GJA3: variants seen among roughly 807,000 people sequenced by gnomAD.
The protein encoded by GJA3 is gap junction protein alpha 3.
For missense variants in GJA3, 571 were observed against 620.3 expected (o/e 0.92, Z 0.84); for synonymous variants, 297 against 292.6 (o/e 1.02, Z -0.15).
intron 1 of GJA3, among the ~76,000 whole-genome samples, chr13:20,150,071 C>T (rs938832494): frequency 2.8e-4 from 42 of 152,252 alleles, no homozygotes; most frequent in African/African-American, 8.7e-4. Context: ...CAGAACGCAG[C>T]GTCTGACTAG....
rs1958804349 is a variant in GJA3 at position 20,141,121 on chromosome 13, A to C, written c.*860T>G. On this transcript the variant is annotated 3_prime_UTR_variant, in exon 2 of 2. Coordinates refer to ENST00000241125, the MANE Select transcript of GJA3 (RefSeq NM_021954.4). ...TCAGCAATCATTCTAACAGTATTTA[A>C]AGAAAGAAAAACACTATTTTTCTTT... 1 of 152,268 alleles carries C rather than the reference A, an allele frequency of 6.6e-6. No homozygotes were observed. Among genetic ancestry groups the C allele is most frequent in the Non-Finnish European group, 1.5e-5 (1 of 68,048 alleles). The allele number at this position is 152,268 out of a possible 1,614,324, so 9.4% of individuals were successfully genotyped here.
chr13:20,154,975 CA>C (rs1958899471), intron 1 of GJA3, among the ~76,000 whole-genome samples: 1 of 152,110 alleles, frequency 6.6e-6, no homozygotes, highest in Non-Finnish European at 1.5e-5. Flanking sequence ...CTCAGCTTCC[CA>C]ACTAGCTGAG....
At chr13:20,153,065 T>C (rs542660047) in intron 1 of GJA3, among the ~76,000 whole-genome samples, 1 of 152,330 alleles carries the variant, frequency 6.6e-6, no homozygotes, top group East Asian at 1.9e-4. Context: ...TCCTTGCCTA[T>C]TTCAAGCTTT....
intron 1 of GJA3, among the ~76,000 whole-genome samples, chr13:20,154,389 T>C (rs113875952): frequency 7.2e-5 from 11 of 152,336 alleles, no homozygotes; most frequent in African/African-American, 2.4e-4. Context: ...TATTAGTACT[T>C]AGGAACATTC....
chr13:20,147,883 C>T lies in GJA3; in HGVS notation c.-17-4578G>A, dbSNP rs185020037. ...CAGAGGATAATGACTGTGGGATCAC[C>T]GAGAGTTTAGAGTGGATTCCATCTT... On this transcript the variant is annotated intron_variant, in intron 1 of 1. Transcript: ENST00000241125. 2.6e-4 allele frequency among the ~76,000 whole-genome samples: 40 copies of T among 152,126 alleles called. 1 individual carries two copies. The highest frequency in any genetic ancestry group is 6.8e-3 in the Middle Eastern group (2 of 294).
chr13:20,143,305 C>T lies in GJA3; in HGVS notation c.-17G>A. 6.6e-7 allele frequency: 1 copy of T among 1,510,394 alleles called. No individual in the cohort carries two copies. Among genetic ancestry groups the T allele is most frequent in the Non-Finnish European group, 8.8e-7 (1 of 1,135,294 alleles). The allele number at this position is 1,510,394 out of a possible 1,614,324, so 93.6% of individuals were successfully genotyped here. ...GTCGCCCATTGCTTCAGATTCCTAA[C>T]CTGTAAGAGGAAAATGCTCATGAAC... On this transcript the variant is annotated splice_region_variant and 5_prime_UTR_variant, in exon 2 of 2. Coordinates refer to ENST00000241125, the MANE Select transcript of GJA3 (RefSeq NM_021954.4).
In GJA3 at chr13:20,142,499, C is replaced by T. The variant is rs765833599; in HGVS notation, c.790G>A (p.Val264Ile). 8 of 1,550,634 alleles carry T rather than the reference C, an allele frequency of 5.2e-6. No homozygotes were observed. The Admixed American group carries it at 7.8e-5, about 15-fold the overall frequency. ...TAGTAGGGTGGGAACCCGATGGCAACGGCGGGCGGCCGGGAGCTGGGGGGC... is the reference window on the plus strand; with the variant it reads ...TAGTAGGGTGGGAACCCGATGGCAATGGCGGGCGGCCGGGAGCTGGGGGGC... ...PLPPSSRPPA[V>I]AIGFPPYYAH... Residue 264 changes from valine to isoleucine, a missense_variant, in exon 2 of 2, where the codon GTT (valine) becomes ATT (isoleucine). By Grantham distance (29) the Val-to-Ile change is conservative. Transcript: ENST00000241125.
rs944973005 is a variant in GJA3 at position 20,139,881 on chromosome 13, T to C, written c.*2100A>G. 1 of 152,220 alleles carries C rather than the reference T, an allele frequency of 6.6e-6. No homozygotes were observed. Among genetic ancestry groups the C allele is most frequent in the Non-Finnish European group, 1.5e-5 (1 of 68,038 alleles). The allele number at this position is 152,220 out of a possible 1,614,324, so 9.4% of individuals were successfully genotyped here. A position where few individuals can be genotyped will look rare whatever the true frequency, so the allele number is the denominator to read the frequency against. On this transcript the variant is annotated 3_prime_UTR_variant, in exon 2 of 2. Coordinates refer to ENST00000241125, the MANE Select transcript of GJA3 (RefSeq NM_021954.4). ...TTACTGTTATGAACATTTATTATGG[T>C]AGAACTTAAAGAACCAAGTATTGAC...
chr13:20,142,748 A>G lies in GJA3; in HGVS notation c.541T>C (p.Cys181Arg). Residue 181 changes from cysteine to arginine, a missense_variant, in exon 2 of 2, where the codon TGC (cysteine) becomes CGC (arginine). Cys to Arg is a radical substitution (Grantham distance 180). Coordinates refer to ENST00000241125, the MANE Select transcript of GJA3 (RefSeq NM_021954.4). The part of the protein sequence containing the change: ...YGFELKPLYR[C>R]DRWPCPNTVD... ...GTGTTGGGGCAGGGCCAGCGGTCGC[A>G]GCGGTAGAGCGGCTTCAGCTCGAAG... 6.2e-7 allele frequency: 1 copy of G among 1,613,684 alleles called. No individual in the cohort carries two copies. The highest frequency in any genetic ancestry group is 8.5e-7 in the Non-Finnish European group (1 of 1,179,938).
chr13:20,148,353 G>C (rs576376473), intron 1 of GJA3, among the ~76,000 whole-genome samples: 9 of 145,988 alleles, frequency 6.2e-5, no homozygotes, highest in African/African-American at 2.3e-4. Flanking sequence ...CAAATTCCCA[G>C]AGCTCCGGTG....
chr13:20,151,491 A>G (rs1958877194), intron 1 of GJA3, among the ~76,000 whole-genome samples: 1 of 152,184 alleles, frequency 6.6e-6, no homozygotes, highest in Admixed American at 6.5e-5. Flanking sequence ...GGGAAGTCAC[A>G]CAACACGAGA....
Position 20,142,369 on chromosome 13 carries a change from CCG to C in GJA3, c.918_919del (p.Gly307LysfsTer18). The C allele has an allele frequency of 6.5e-7, 1 of 1,531,298 alleles. No individual in the cohort carries two copies. The highest frequency in any genetic ancestry group is 8.8e-7 in the Non-Finnish European group (1 of 1,139,624). 94.9% of individuals were successfully genotyped at this position (1,531,298 alleles called of 1,614,324 possible). A position where few individuals can be genotyped will look rare whatever the true frequency, so the allele number is the denominator to read the frequency against. On this transcript the variant is annotated frameshift_variant, in exon 2 of 2. Coordinates refer to ENST00000241125, the MANE Select transcript of GJA3 (RefSeq NM_021954.4). LOFTEE classifies it low-confidence loss of function (END_TRUNC). ...GTAGAGCTTGGCGGACTGGCCCTTT[CCG>C]CGCGCCTCGGTCAGGGCTAGCAGTT... is the stretch of plus-strand genomic sequence containing the variant.
chr13:20,141,772 G>A lies in GJA3; in HGVS notation c.*209C>T. On this transcript the variant is annotated 3_prime_UTR_variant, in exon 2 of 2. Coordinates refer to ENST00000241125, the MANE Select transcript of GJA3 (RefSeq NM_021954.4). ...CGCCACCCCCAAACTCAGAAAGTGG[G>A]AGTTATCCCCACTGTAACTCACAGT... 1 of 692,892 alleles carries A rather than the reference G, an allele frequency of 1.4e-6. No homozygotes were observed. The allele number at this position is 692,892 out of a possible 1,614,324, so 42.9% of individuals were successfully genotyped here.
chr13:20,141,815 T>G lies in GJA3; in HGVS notation c.*166A>C. ...CTCACAGTGCTAAGAACAGCAAGCA[T>G]TGAACACGGAAACCTGATCTCTCCT... On this transcript the variant is annotated 3_prime_UTR_variant, in exon 2 of 2. Coordinates refer to ENST00000241125, the MANE Select transcript of GJA3 (RefSeq NM_021954.4). 2 of 1,013,176 alleles carry G rather than the reference T, an allele frequency of 2.0e-6. No homozygotes were observed. The highest frequency in any genetic ancestry group is 2.7e-5 in the East Asian group (1 of 36,890). 62.8% of individuals were successfully genotyped at this position (1,013,176 alleles called of 1,614,324 possible). A position where few individuals can be genotyped will look rare whatever the true frequency, so the allele number is the denominator to read the frequency against.
At chr13:20,155,547 A>G (rs1173982778) in intron 1 of GJA3, among the ~76,000 whole-genome samples, 1 of 152,100 alleles carries the variant, frequency 6.6e-6, no homozygotes, top group Non-Finnish European at 1.5e-5. Flanking sequence ...TATGATTTTG[A>G]AACGCTATGG....
Position 20,141,662 on chromosome 13 carries a change from C to A in GJA3, c.*319G>T, listed in dbSNP as rs1886176. 93,194 of 380,100 alleles carry A rather than the reference C, an allele frequency of 0.25. 12,167 individuals are homozygous for A. Among genetic ancestry groups the A allele is most frequent in the Middle Eastern group, 0.31 (439 of 1,418 alleles). The allele number at this position is 380,100 out of a possible 1,614,324, so 23.5% of individuals were successfully genotyped here. On this transcript the variant is annotated 3_prime_UTR_variant, in exon 2 of 2. Transcript: ENST00000241125. Reference sequence around the variant, plus strand: ...CAGGATACCTGTTGCTTTACCACTACAGAACAGTTACCCCCAGAGACAGCC... The same window carrying A: ...CAGGATACCTGTTGCTTTACCACTAAAGAACAGTTACCCCCAGAGACAGCC...
Position 20,142,518 on chromosome 13 carries a change from G to T in GJA3, c.771C>A (p.Pro257=), listed in dbSNP as rs553789027. 364 of 1,553,814 alleles carry T rather than the reference G, an allele frequency of 2.3e-4. 3 individuals carry two copies. The Middle Eastern group carries it at 7.5e-3, about 32-fold the overall frequency. Residue 257 remains proline (P), a synonymous_variant, in exon 2 of 2, where the codon CCC becomes CCA. Transcript: ENST00000241125. ...TGGCAACGGCGGGCGGCCGGGAGCT[G>T]GGGGGCAGGGGCGGGGGATCGGCTG... ...LGTADPPPLP[P]SSRPPAVAIG... is the part of the protein sequence containing the mutation.
In GJA3 at chr13:20,143,091, G is replaced by A. The variant is rs1291345407; in HGVS notation, c.198C>T (p.Tyr66=). Reference sequence around the variant, plus strand: ...TGTGGGAGATGGGGAAGGCCCTGTCGTAGCAGACGTTCTCGCAGCCCGGCT... The same window carrying A: ...TGTGGGAGATGGGGAAGGCCCTGTCATAGCAGACGTTCTCGCAGCCCGGCT... The part of the protein sequence containing the change: ...TQQPGCENVC[Y]DRAFPISHIR... Residue 66 remains tyrosine (Y), a synonymous_variant, in exon 2 of 2, where the codon TAC becomes TAT. Coordinates refer to ENST00000241125, the MANE Select transcript of GJA3 (RefSeq NM_021954.4). 6.2e-6 allele frequency: 10 copies of A among 1,613,910 alleles called. No homozygotes were observed. Among genetic ancestry groups the A allele is most frequent in the South Asian group, 3.3e-5 (3 of 91,040 alleles).
chr13:20,142,447 T>A lies in GJA3; in HGVS notation c.842A>T (p.Gln281Leu). 6.6e-7 allele frequency: 1 copy of A among 1,520,992 alleles called. No individual in the cohort carries two copies. Among genetic ancestry groups the A allele is most frequent in the Non-Finnish European group, 8.8e-7 (1 of 1,133,518 alleles). 94.2% of individuals were successfully genotyped at this position (1,520,992 alleles called of 1,614,324 possible). A position where few individuals can be genotyped will look rare whatever the true frequency, so the allele number is the denominator to read the frequency against. ...CCCGGGGTAGCCCACGGCGCGGGCC[T>A]GTCCCAGGGGCGCAGCGGTGTGCGC... Reference protein sequence around the residue: ...YYAHTAAPLGQARAVGYPGAP... With the variant: ...YYAHTAAPLGLARAVGYPGAP... Residue 281 changes from glutamine to leucine, a missense_variant, in exon 2 of 2, where the codon CAG (glutamine) becomes CTG (leucine). Transcript: ENST00000241125.
Sources: allele counts gnomAD v4.1 joint callset (sites outside exome capture counted in the v4.1 genomes callset), GRCh38; gene constraint gnomAD v4.1.1; transcripts MANE v1.5; gene names NCBI Gene and HGNC (gene_info 2026-07-23, HGNC 2026-07-21).